The following TRDN variants were observed in gnomAD, a reference collection of about 807,000 sequenced individuals.
TRDN encodes triadin in skeletal muscle.
In TRDN, 161 loss-of-function variants were observed where a neutral mutation model predicts 149.7. The ratio of observed to expected loss-of-function variants is 1.08; its 90% CI spans 0.95 to 1.23. The LOEUF (loss-of-function observed/expected upper bound fraction) is 1.23. Among genes scored for constraint, TRDN ranks in the 50% most tolerant of loss-of-function variants. The probability of loss-of-function intolerance (pLI) is 0.00; values close to 1 mark genes in which losing one functional copy is unlikely to be tolerated. For synonymous variants in TRDN, 294 were observed against 250.5 expected, an observed-to-expected ratio of 1.17 and a Z score of -1.64; for missense variants, 896 against 823.5, an observed-to-expected ratio of 1.09 and a Z score of -1.08.
intron 16 of TRDN, among the ~76,000 whole-genome samples, chr6:123,378,155 C>A (rs1034052227): frequency 1.3e-5 from 2 of 150,518 alleles, no homozygotes; most frequent in South Asian, 2.1e-4. Context: ...AGATGATAAA[C>A]CAGAAAAATA....
At chr6:123,539,074 A>AT (rs1328970322) in intron 4 of TRDN, among the ~76,000 whole-genome samples, 1 of 152,164 alleles carries the variant, frequency 6.6e-6, no homozygotes, top group Non-Finnish European at 1.5e-5. Flanking sequence ...ATCTGGGGAG[A>AT]TTTTAAAACA....
intron 22 of TRDN, among the ~76,000 whole-genome samples, chr6:123,336,932 C>T (rs1379239835): frequency 6.6e-6 from 1 of 151,704 alleles, no homozygotes; most frequent in Non-Finnish European, 1.5e-5. Flanking sequence ...AGAGGGGACT[C>T]ATTGAAGGCT....
intron 20 of TRDN, 78 bp from the exon 21 acceptor site, chr6:123,352,664 T>C (rs1780512991): frequency 6.6e-7 from 1 of 1,519,576 alleles, no homozygotes; most frequent in African/African-American, 1.4e-5. Flanking sequence ...ATTTTGGAGT[T>C]CTTTCAATGC....
chr6:123,368,404 T>C (rs1417860719), intron 19 of TRDN, among the ~76,000 whole-genome samples: 2 of 152,332 alleles, frequency 1.3e-5, no homozygotes, highest in South Asian at 2.1e-4. Flanking sequence ...AGAATCATTC[T>C]TAACCCTGTC....
chr6:123,547,736 G>T (rs1267691026), intron 3 of TRDN, among the ~76,000 whole-genome samples: 1 of 151,924 alleles, frequency 6.6e-6, no homozygotes, highest in Non-Finnish European at 1.5e-5. Context: ...AAGCTTTCCT[G>T]GTAGTCAAGG....
At position 123,336,450 on chromosome 6, in the gene TRDN, C is replaced by A. The variant is rs371893267; in HGVS notation, c.1420+1169G>T. On this transcript the variant is annotated intron_variant, in intron 22 of 40. Coordinates refer to ENST00000334268, the MANE Select transcript of TRDN (RefSeq NM_006073.4). ...GGACTTCCTCCAAACAATTACCACA[C>A]CTTTAAAGGCAAACTCTTCACCTTC... 2.2e-3 allele frequency among the ~76,000 whole-genome samples: 337 copies of A among 152,094 alleles called. 17 individuals carry two copies. In the South Asian group the frequency reaches 0.063, roughly 28 times the overall value.
At chr6:123,389,252 C>A (rs1782018591) in intron 13 of TRDN, among the ~76,000 whole-genome samples, 1 of 152,066 alleles carries the variant, frequency 6.6e-6, no homozygotes, top group African/African-American at 2.4e-5. Context: ...TTGCTCCAAG[C>A]AATATGACCC....
intron 19 of TRDN, among the ~76,000 whole-genome samples, chr6:123,369,895 C>A (rs1781257163): frequency 6.6e-6 from 1 of 152,146 alleles, no homozygotes; most frequent in African/African-American, 2.4e-5. Context: ...GATGCTTTCA[C>A]AATGTCTCAT....
intron 1 of TRDN, among the ~76,000 whole-genome samples, chr6:123,593,094 A>G (rs1159049284): frequency 6.6e-6 from 1 of 152,204 alleles, no homozygotes; most frequent in Non-Finnish European, 1.5e-5. Context: ...TACAAATCAT[A>G]AAAAGAGCCA....
At chr6:123,575,568 T>C (rs980406664) in intron 1 of TRDN, among the ~76,000 whole-genome samples, 2 of 151,876 alleles carry the variant, frequency 1.3e-5, no homozygotes, top group African/African-American at 4.8e-5. Context: ...GCAGCTAGGA[T>C]ATGTAAAGCA....
chr6:123,277,192 T>C (rs1316971649), intron 26 of TRDN, among the ~76,000 whole-genome samples: 1 of 152,162 alleles, frequency 6.6e-6, no homozygotes, highest in Non-Finnish European at 1.5e-5. Context: ...AGAATCATAC[T>C]CCAAGTTTTA....
intron 20 of TRDN, among the ~76,000 whole-genome samples, chr6:123,360,258 G>A (rs1177725464): frequency 6.6e-6 from 1 of 152,096 alleles, no homozygotes; most frequent in African/African-American, 2.4e-5. Context: ...AAAACTTCAT[G>A]ATATAGGGCA....
intron 27 of TRDN, among the ~76,000 whole-genome samples, chr6:123,274,004 GT>G (rs1777289397): frequency 6.6e-6 from 1 of 152,020 alleles, no homozygotes; most frequent in Non-Finnish European, 1.5e-5. Flanking sequence ...GGTACCCAGG[GT>G]TTGGTGCAAA....
intron 38 of TRDN, among the ~76,000 whole-genome samples, chr6:123,244,481 A>G (rs1276074163): frequency 6.6e-6 from 1 of 152,164 alleles, no homozygotes; most frequent in Non-Finnish European, 1.5e-5. Flanking sequence ...TGATCAGAAG[A>G]AGAAAAGGTA....
At chr6:123,573,587 G>T (rs1466765539) in intron 1 of TRDN, among the ~76,000 whole-genome samples, 3 of 151,894 alleles carry the variant, frequency 2.0e-5, no homozygotes, top group Non-Finnish European at 4.4e-5. Flanking sequence ...GATATTTTCA[G>T]GGACTCAAAA....
chr6:123,376,468 T>C (rs1781509912), intron 18 of TRDN, among the ~76,000 whole-genome samples: 1 of 152,134 alleles, frequency 6.6e-6, no homozygotes, highest in Non-Finnish European at 1.5e-5. Flanking sequence ...CTTCACTCAA[T>C]AAGCCATCAT....
At chr6:123,328,901 C>A (rs183091448) in intron 23 of TRDN, among the ~76,000 whole-genome samples, 1 of 152,160 alleles carries the variant, frequency 6.6e-6, no homozygotes, top group Non-Finnish European at 1.5e-5. Flanking sequence ...CCAGCACCCC[C>A]GCAGCTTCTT....
chr6:123,401,215 A>C (rs187419216), intron 12 of TRDN, among the ~76,000 whole-genome samples: 22 of 152,332 alleles, frequency 1.4e-4, no homozygotes, highest in Admixed American at 1.3e-4. Context: ...AAGAGAATTT[A>C]AGTTTTTTGT....
At chr6:123,586,340 C>CGATGAGCAGCCTGGG (rs1783481549) in intron 1 of TRDN, among the ~76,000 whole-genome samples, 1 of 150,874 alleles carries the variant, frequency 6.6e-6, no homozygotes, top group Non-Finnish European at 1.5e-5. Context: ...CTCGGCCTGG[C>CGATGAGCAGCCTGGG]GAGGAGGGGA....
Sources: allele counts gnomAD v4.1 joint callset (sites outside exome capture counted in the v4.1 genomes callset), GRCh38; gene constraint gnomAD v4.1.1; transcripts MANE v1.5; gene names NCBI Gene and HGNC (gene_info 2026-07-23, HGNC 2026-07-21).